PNN: variants seen among roughly 807,000 people sequenced by gnomAD.
The protein encoded by PNN is pinin.
In PNN, 38 loss-of-function variants were observed where a neutral mutation model predicts 76.6. The ratio of observed to expected loss-of-function variants is 0.50; its 90% CI spans 0.38 to 0.65. The LOEUF (loss-of-function observed/expected upper bound fraction) is 0.65, where lower values mean the gene tolerates loss of function less well. Ranked by LOEUF, PNN falls within the 30% of genes least tolerant of loss-of-function variation. The pLI is 0.00. For missense variants in PNN, 873 were observed against 874.1 expected (o/e 1.00, Z 0.02); for synonymous variants, 366 against 283.7 (o/e 1.29, Z -2.91).
chr14:39,178,855 C>T (rs537369753), intron 6 of PNN: 23 of 365,480 alleles, frequency 6.3e-5, no homozygotes, highest in Non-Finnish European at 9.4e-5. Flanking sequence ...TCTCCTGCTT[C>T]GGCCTCCCAA....
chr14:39,181,254 A>G lies in PNN; in HGVS notation c.1545A>G (p.Gln515=), dbSNP rs2053267487. 1.2e-6 allele frequency: 2 copies of G among 1,614,106 alleles called. No homozygotes were observed. Among genetic ancestry groups the G allele is most frequent in the Non-Finnish European group, 8.5e-7 (1 of 1,179,994 alleles). ...TAGCTGTTTTACAGCCAACACCCCA[A>G]GTTACTCAGGAGCAAGGGCATTTAC... ...LSLAVLQPTP[Q]VTQEQGHLLP... is the part of the protein sequence containing the mutation. The change falls in exon 9 of 9, where the codon CAA becomes CAG. Residue 515 remains glutamine (Q), a synonymous_variant. Transcript: ENST00000216832.
chr14:39,181,292 A>G lies in PNN; in HGVS notation c.1583A>G (p.Lys528Arg), dbSNP rs1481194499. ...QEQGHLLPER[K>R]DFPVESVKLT... ...CAAGGGCATTTACTACCTGAGAGGA[A>G]GGATTTTCCTGTAGAGTCTGTAAAA... The change falls in exon 9 of 9, where the codon AAG (lysine) becomes AGG (arginine). Residue 528 changes from lysine (K) to arginine (R), a missense_variant. This residue lies in a region of PNN where 712 missense variants were observed against 693.1 expected (regional missense o/e 1.03). Transcript: ENST00000216832. 2 of 1,614,182 alleles carry G rather than the reference A, an allele frequency of 1.2e-6. No individual in the cohort carries two copies. Among genetic ancestry groups the G allele is most frequent in the Non-Finnish European group, 8.5e-7 (1 of 1,179,988 alleles).
chr14:39,178,514 G>C (rs1452615399), intron 6 of PNN, among the ~76,000 whole-genome samples: 1 of 151,978 alleles, frequency 6.6e-6, no homozygotes, highest in East Asian at 1.9e-4. Context: ...CTGGGCAACA[G>C]GCGCAAAACT....
Position 39,175,771 on chromosome 14 carries a change from C to A in PNN, c.114-307C>A, listed in dbSNP as rs1041263810. On this transcript the variant is annotated intron_variant, in intron 1 of 8. Coordinates refer to ENST00000216832, the MANE Select transcript of PNN (RefSeq NM_002687.4). ...GAGACCCTGCCGGGACGCAACAAGC[C>A]GCCTTACCCCAGCTTCCTGTCCACG... 9 of 470,452 alleles carry A rather than the reference C, an allele frequency of 1.9e-5. No individual in the cohort carries two copies. In the Admixed American group the frequency reaches 2.1e-4, roughly 11 times the overall value. The allele number at this position is 470,452 out of a possible 1,614,324, so 29.1% of individuals were successfully genotyped here.
At chr14:39,177,366 G>A (rs1258340306) in intron 3 of PNN, 46 bp from the exon 4 acceptor site, 4 of 1,507,058 alleles carry the variant, frequency 2.7e-6, no homozygotes, top group Admixed American at 3.6e-5. Flanking sequence ...AGCCTGGGTG[G>A]TATAGTGAAA....
Position 39,182,135 on chromosome 14 carries a change from T to C in PNN, c.*272T>C, listed in dbSNP as rs1004563042. 18 of 295,030 alleles carry C rather than the reference T, an allele frequency of 6.1e-5. No individual in the cohort carries two copies. Among genetic ancestry groups the C allele is most frequent in the African/African-American group, 2.6e-4 (12 of 45,436 alleles). 18.3% of individuals were successfully genotyped at this position (295,030 alleles called of 1,614,324 possible). On this transcript the variant is annotated 3_prime_UTR_variant, in exon 9 of 9. Coordinates refer to ENST00000216832, the MANE Select transcript of PNN (RefSeq NM_002687.4). ...CATCCCTTGTCATCTTTTTTAAATATCCTATACTCTTCAGTAAGAATCTGT... is the reference window on the plus strand; with the variant it reads ...CATCCCTTGTCATCTTTTTTAAATACCCTATACTCTTCAGTAAGAATCTGT...
chr14:39,175,928 T>C, intron 1 of PNN, 150 bp from the exon 2 acceptor site: 4 of 608,858 alleles, frequency 6.6e-6, no homozygotes, highest in Non-Finnish European at 1.2e-5. Flanking sequence ...TAGTACTTCC[T>C]GTCCTGTTTC....
At chr14:39,176,674 T>A (rs1028686608) in intron 3 of PNN, 79 bp downstream of exon 3, 1 of 876,570 alleles carries the variant, frequency 1.1e-6, no homozygotes, top group African/African-American at 1.7e-5. Flanking sequence ...TTAACAATAA[T>A]TCTGTTTCAG....
chr14:39,175,523 G>A (rs1221483798), intron 1 of PNN, 131 bp downstream of exon 1: 2 of 677,202 alleles, frequency 3.0e-6, no homozygotes, highest in Non-Finnish European at 5.3e-6. Context: ...GGGGCGGCGG[G>A]TAAAACCCTG....
In PNN at chr14:39,181,149, T is replaced by G; in HGVS notation, c.1440T>G (p.Ser480=). ...CTGTGGCTCAACCTCAGCCTCAGTC[T>G]CAGCCCCAGCTTCAGCTTCAATCCC... ...PEPVAQPQPQ[S]QPQLQLQSQS... Residue 480 remains serine, a synonymous_variant, in exon 9 of 9, where the codon TCT becomes TCG. Coordinates refer to ENST00000216832, the MANE Select transcript of PNN (RefSeq NM_002687.4). 1 of 1,607,932 alleles carries G rather than the reference T, an allele frequency of 6.2e-7. No homozygotes were observed. The highest frequency in any genetic ancestry group is 8.5e-7 in the Non-Finnish European group (1 of 1,174,408).
rs2053220869 is a variant in PNN at position 39,176,081 on chromosome 14, C to T, written c.117C>T (p.Pro39=). The T allele has an allele frequency of 5.0e-6, 8 of 1,593,792 alleles. No individual in the cohort carries two copies. The highest frequency in any genetic ancestry group is 6.9e-6 in the Non-Finnish European group (8 of 1,161,726). The change falls in exon 2 of 9, where the codon CCC becomes CCT. Residue 39 remains proline (P), a synonymous_variant. Transcript: ENST00000216832. ...CTGATTTGTAAATCTTTTACAGGCC[C>T]ATCCAAGCCAGATTGCTGGCCCTTT... is the stretch of plus-strand genomic sequence containing the variant. ...LTGRDPNDVR[P]IQARLLALSG...
intron 8 of PNN, 96 bp from the exon 9 acceptor site, chr14:39,180,407 G>T: frequency 7.6e-7 from 1 of 1,319,608 alleles, no homozygotes; most frequent in Non-Finnish European, 1.0e-6. Flanking sequence ...AACAAATTCA[G>T]ATGAAGCTTA....
rs547232640 is a variant in PNN, at chr14:39,181,958, G to A, written c.*95G>A. On this transcript the variant is annotated 3_prime_UTR_variant, in exon 9 of 9. Transcript: ENST00000216832. ...CCTTGTAAAGAGGATGCTGCCTTAA[G>A]AATTGCATGTTGTAAAAAATCTTTT... is the stretch of plus-strand genomic sequence containing the variant. The A allele has an allele frequency of 6.9e-5, 86 of 1,245,242 alleles. No homozygotes were observed. In the South Asian group the frequency reaches 1.4e-3, roughly 20 times the overall value. 77.1% of individuals were successfully genotyped at this position (1,245,242 alleles called of 1,614,324 possible).
At position 39,176,312 on chromosome 14, in the gene PNN, G is replaced by A. The variant is rs559120784; in HGVS notation, c.185+163G>A. 7 of 630,134 alleles carry A rather than the reference G, an allele frequency of 1.1e-5. No individual in the cohort carries two copies. In the South Asian group the frequency reaches 1.2e-4, roughly 11 times the overall value. 39.0% of individuals were successfully genotyped at this position (630,134 alleles called of 1,614,324 possible). A position where few individuals can be genotyped will look rare whatever the true frequency, so the allele number is the denominator to read the frequency against. ...ATTTCTGTATAAATATAGTTATCCTGAAAAACTGGAGGTTGAAGAATATAT... is the reference window on the plus strand; with the variant it reads ...ATTTCTGTATAAATATAGTTATCCTAAAAAACTGGAGGTTGAAGAATATAT... On this transcript the variant is annotated intron_variant, in intron 2 of 8. Coordinates refer to ENST00000216832, the MANE Select transcript of PNN (RefSeq NM_002687.4).
chr14:39,176,604 A>G lies in PNN; in HGVS notation c.254+9A>G. On this transcript the variant is annotated intron_variant, in intron 3 of 8. Coordinates refer to ENST00000216832, the MANE Select transcript of PNN (RefSeq NM_002687.4). ...GAAGGGGCAGTCAGTAGGTAGGTTT[A>G]AAAAAAGATTCCTGAAGGCTTCTTT... The G allele has an allele frequency of 6.4e-7, 1 of 1,553,242 alleles. No individual in the cohort carries two copies. The highest frequency in any genetic ancestry group is 8.8e-7 in the Non-Finnish European group (1 of 1,135,248).
Position 39,181,657 on chromosome 14 carries a change from G to T in PNN, c.1948G>T (p.Val650Leu). 1 of 1,614,072 alleles carries T rather than the reference G, an allele frequency of 6.2e-7. No homozygotes were observed. The highest frequency in any genetic ancestry group is 8.5e-7 in the Non-Finnish European group (1 of 1,179,950). The stretch of plus-strand genomic sequence containing the variant: ...TAGAGATAGAAAGCACAGAAGGAGC[G>T]TGGATCGGAAGAGAAGGGATACTTC... ...HNRDRKHRRS[V>L]DRKRRDTSGL... Residue 650 changes from valine (V) to leucine (L), a missense_variant, in exon 9 of 9, where the codon GTG becomes TTG. Transcript: ENST00000216832.
rs760171900 is a variant in PNN, at chr14:39,181,796, G to A, written c.2087G>A (p.Arg696Gln). The change falls in exon 9 of 9, where the codon CGA becomes CAA. Residue 696 changes from arginine (R) to glutamine (Q), a missense_variant. This residue lies in a region of PNN where 712 missense variants were observed against 693.1 expected (regional missense o/e 1.03). Transcript: ENST00000216832. ...AAGAGGTCTATATCAGAGAGTAGTC[G>A]ATCAGGCAAAAGATCTTCAAGAAGT... ...DRKRSISESS[R>Q]SGKRSSRSER... The A allele has an allele frequency of 4.2e-5, 67 of 1,613,024 alleles. No homozygotes were observed. The highest frequency in any genetic ancestry group is 5.3e-5 in the Non-Finnish European group (63 of 1,179,774).
At chr14:39,177,360 T>C (rs1200753414) in intron 3 of PNN, 52 bp from the exon 4 acceptor site, 113 of 1,471,848 alleles carry the variant, frequency 7.7e-5, no homozygotes, top group Non-Finnish European at 1.0e-4. Flanking sequence ...CACTTCAGCC[T>C]GGGTGGTATA....
chr14:39,180,408 A>T, intron 8 of PNN, 95 bp from the exon 9 acceptor site: 2 of 1,323,182 alleles, frequency 1.5e-6, no homozygotes. Flanking sequence ...ACAAATTCAG[A>T]TGAAGCTTAA....
Sources: gnomAD v4.1 joint callset for allele counts (sites outside exome capture counted in the v4.1 genomes callset) on GRCh38, gnomAD v4.1.1 for gene constraint, gnomAD v4.1.1 regional missense constraint, MANE v1.5 for transcripts, NCBI Gene and HGNC (gene_info 2026-07-23, HGNC 2026-07-21) for gene names.